Variants in RECQL4 observed in about 807,000 individuals in gnomAD.
RECQL4 encodes the protein ATP-dependent DNA helicase Q4.
Under a neutral mutation model 128.6 loss-of-function variants are expected in RECQL4, and 158 were observed. That is an observed-to-expected ratio of 1.23 (90% CI 1.08 to 1.40). The LOEUF (loss-of-function observed/expected upper bound fraction) is 1.40, where lower values mean the gene tolerates loss of function less well. Ranked by LOEUF, RECQL4 falls within the 40% of genes most tolerant of loss-of-function variation. RECQL4 has a pLI of 0.00. For synonymous variants in RECQL4, 996 were observed against 678.9 expected, an observed-to-expected ratio of 1.47 and a Z score of -7.26; for missense variants, 2,293 against 1,649.8, an observed-to-expected ratio of 1.39 and a Z score of -6.75.
chr8:144,517,024 G>A (rs1815210254), intron 4 of RECQL4, 26 bp downstream of exon 4: 2 of 1,600,464 alleles, frequency 1.2e-6, no homozygotes, highest in Admixed American at 1.7e-5. Context: ...GACCTAGCGT[G>A]GACTCACTGC....
rs749010505 is a variant in RECQL4, at chr8:144,516,527, C to T, written c.592G>A (p.Val198Ile). Residue 198 changes from valine to isoleucine, a missense_variant, in exon 5 of 21, where the codon GTC becomes ATC. Val to Ile is a conservative substitution (Grantham distance 29). Transcript: ENST00000617875. Reference sequence around the variant, plus strand: ...TTGGGGGCCCCCAGAAAATCTGGGACCTCACTGTGACATCGCTGTAACCAG... The same window carrying T: ...TTGGGGGCCCCCAGAAAATCTGGGATCTCACTGTGACATCGCTGTAACCAG... ...PGWLQRCHSE[V>I]PDFLGAPKAC... 3.1e-6 allele frequency: 5 copies of T among 1,609,916 alleles called. No homozygotes were observed. Among genetic ancestry groups the T allele is most frequent in the East Asian group, 4.5e-5 (2 of 44,854 alleles).
In RECQL4 at chr8:144,513,383, C is replaced by T. The variant is rs879234038; in HGVS notation, c.2298G>A (p.Arg766=). 1 of 1,607,844 alleles carries T rather than the reference C, an allele frequency of 6.2e-7. No individual in the cohort carries two copies. ...CAAAGGCCACCGTGGCCACCACCAC[C>T]CGCAACTGGCCCTGCATGAAGGCTC... ...VQRAFMQGQL[R]VVVATVAFGM... The change falls in exon 14 of 21, where the codon CGG becomes CGA. Residue 766 remains arginine (R), a synonymous_variant. Coordinates refer to ENST00000617875, the MANE Select transcript of RECQL4 (RefSeq NM_004260.4).
intron 3 of RECQL4, 60 bp downstream of exon 3, chr8:144,517,354 C>T (rs920237059): frequency 2.0e-6 from 3 of 1,498,672 alleles, no homozygotes; most frequent in Non-Finnish European, 2.7e-6. Context: ...GACTCCGTGG[C>T]TCCCGCCACT....
rs770855894 is a variant in RECQL4 at position 144,513,566 on chromosome 8, C to T, written c.2200+5G>A. Reference sequence around the variant, plus strand: ...ACGGGGACACCAGCTCTGTCCATGCCGCACCTCCAGACCCTGGGACCCAGG... The same window carrying T: ...ACGGGGACACCAGCTCTGTCCATGCTGCACCTCCAGACCCTGGGACCCAGG... On this transcript the variant is annotated splice_donor_5th_base_variant and intron_variant, in intron 13 of 20. Coordinates refer to ENST00000617875, the MANE Select transcript of RECQL4 (RefSeq NM_004260.4). 119 of 1,610,502 alleles carry T rather than the reference C, an allele frequency of 7.4e-5. 1 individual carries two copies. The highest frequency in any genetic ancestry group is 2.6e-4 in the South Asian group (24 of 90,724).
chr8:144,516,641 G>C lies in RECQL4; in HGVS notation c.478C>G (p.Pro160Ala), dbSNP rs758124770. Residue 160 changes from proline to alanine, a missense_variant, in exon 5 of 21, where the codon CCA (proline) becomes GCA (alanine). Coordinates refer to ENST00000617875, the MANE Select transcript of RECQL4 (RefSeq NM_004260.4). The part of the protein sequence containing the change: ...SFAEKVSDEP[P>A]QLPEPQPRPG... ...CTTGGCTGGGGCTCAGGGAGCTGTG[G>C]AGGCTCATCACTGACTTTTTCTGCA... is the stretch of plus-strand genomic sequence containing the variant. 1.2e-6 allele frequency: 2 copies of C among 1,608,222 alleles called. No homozygotes were observed. The highest frequency in any genetic ancestry group is 2.2e-5 in the East Asian group (1 of 44,812).
At chr8:144,514,855 G>C in intron 9 of RECQL4, 81 bp downstream of exon 9, 1 of 1,526,274 alleles carries the variant, frequency 6.6e-7, no homozygotes, top group South Asian at 1.2e-5. Flanking sequence ...GGGTGGTTAG[G>C]GGACAAGCAG....
rs1564794448 is a variant in RECQL4 at position 144,513,261 on chromosome 8, C to CGCCCG, written c.2415_2419dup (p.Arg807ProfsTer38). 5.7e-6 allele frequency: 9 copies of CGCCCG among 1,592,730 alleles called. No homozygotes were observed. The highest frequency in any genetic ancestry group is 4.0e-5 in the African/African-American group (3 of 74,606). On this transcript the variant is annotated frameshift_variant, in exon 14 of 21. Transcript: ENST00000617875. LOFTEE classifies it high-confidence loss of function. ...GTGGCAGTGGGCAGGCTGCCCGTCA[C>CGCCCG]GCCCGGCCCGGCCCACGGCCTGCAC... is the stretch of plus-strand genomic sequence containing the variant.
rs371421344 is a variant in RECQL4 at position 144,516,096 on chromosome 8, G to A, written c.1023C>T (p.Ile341=). 3.3e-5 allele frequency: 54 copies of A among 1,612,692 alleles called. No homozygotes were observed. In the African/African-American group the frequency reaches 6.3e-4, roughly 19 times the overall value. The change falls in exon 5 of 21, where the codon ATC becomes ATT. Residue 341 remains isoleucine, a synonymous_variant. Coordinates refer to ENST00000617875, the MANE Select transcript of RECQL4 (RefSeq NM_004260.4). ...TGTCATGGCGGGCCAGCCGAGGGAAGATGTGCAGGGGGGCTGTGCCCTCAG... is the reference window on the plus strand; with the variant it reads ...TGTCATGGCGGGCCAGCCGAGGGAAAATGTGCAGGGGGGCTGTGCCCTCAG... ...GKAEGTAPLH[I]FPRLARHDRG...
chr8:144,512,707 G>A lies in RECQL4; in HGVS notation c.2820C>T (p.Thr940=), dbSNP rs758900021. The part of the protein sequence containing the change: ...HPHHWLELLA[T]TYTHCRLNCP... ...AGTTCAGACGGCAATGGGTATAGGTGGTCGCCAGCAGCTCCAGCCAGTGGT... is the reference window on the plus strand; with the variant it reads ...AGTTCAGACGGCAATGGGTATAGGTAGTCGCCAGCAGCTCCAGCCAGTGGT... Residue 940 remains threonine (T), a synonymous_variant, in exon 16 of 21, where the codon ACC becomes ACT. Coordinates refer to ENST00000617875, the MANE Select transcript of RECQL4 (RefSeq NM_004260.4). 2.5e-5 allele frequency: 41 copies of A among 1,612,424 alleles called. No homozygotes were observed. The highest frequency in any genetic ancestry group is 4.0e-5 in the African/African-American group (3 of 75,074).
chr8:144,517,718 C>T lies in RECQL4; in HGVS notation c.67G>A (p.Gly23Arg), dbSNP rs752845462. ...GCCCGCACCTGGCTCGGTCGCCGCC[C>T]GCGCTGCCGTCGGAACGCGCGCTCC... ...AWERAFRRQR[G>R]RRPSQDDVEA... The change falls in exon 1 of 21, where the codon GGG (glycine) becomes AGG (arginine). Residue 23 changes from glycine (G) to arginine (R), a missense_variant. By Grantham distance (125) the Gly-to-Arg change is moderately radical (BLOSUM62 -2). Coordinates refer to ENST00000617875, the MANE Select transcript of RECQL4 (RefSeq NM_004260.4). 7.4e-7 allele frequency: 1 copy of T among 1,359,000 alleles called. No individual in the cohort carries two copies. The highest frequency in any genetic ancestry group is 1.7e-5 in the South Asian group (1 of 58,500). The allele number at this position is 1,359,000 out of a possible 1,614,324, so 84.2% of individuals were successfully genotyped here.
At position 144,515,308 on chromosome 8, in the gene RECQL4, C is replaced by G; in HGVS notation, c.1390+18G>C. The G allele has an allele frequency of 6.2e-7, 1 of 1,612,070 alleles. No homozygotes were observed. The highest frequency in any genetic ancestry group is 8.5e-7 in the Non-Finnish European group (1 of 1,179,520). On this transcript the variant is annotated intron_variant, in intron 7 of 20. Transcript: ENST00000617875. ...CAACCCCTCAGTGAAGGCTCTGGGC[C>G]AGAAGCTGACTGCTCACCTGCCAAC...
In RECQL4 at chr8:144,511,365, G is replaced by C. The variant is rs1478786786; in HGVS notation, c.*66C>G. ...ACACCCTGTGGCAGGTTTTGCCCAG[G>C]TCCTCAGTCACTGCCCTAGCCTCTG... On this transcript the variant is annotated 3_prime_UTR_variant, in exon 21 of 21. Coordinates refer to ENST00000617875, the MANE Select transcript of RECQL4 (RefSeq NM_004260.4). The C allele has an allele frequency of 1.3e-6, 2 of 1,593,194 alleles. No homozygotes were observed. Among genetic ancestry groups the C allele is most frequent in the Non-Finnish European group, 1.7e-6 (2 of 1,164,386 alleles).
chr8:144,515,596 A>G (rs1828040533), intron 6 of RECQL4, 139 bp from the exon 7 acceptor site: 1 of 1,485,606 alleles, frequency 6.7e-7, no homozygotes, highest in Admixed American at 1.8e-5. Flanking sequence ...AGCAGAAAAG[A>G]GTGACAGCCA....
At chr8:144,517,674 G>A (rs41560315) in intron 1 of RECQL4, 27 bp downstream of exon 1, 392 of 1,456,022 alleles carry the variant, frequency 2.7e-4, no homozygotes, top group Non-Finnish European at 2.8e-4. Context: ...CGCGCCCTCA[G>A]CCCCTCGGCC....
At position 144,516,722 on chromosome 8, in the gene RECQL4, C is replaced by G; in HGVS notation, c.397G>C (p.Ala133Pro). The change falls in exon 5 of 21, where the codon GCC (alanine) becomes CCC (proline). Residue 133 changes from alanine (A) to proline (P), a missense_variant. Transcript: ENST00000617875. ...TTTGGGGTGGATGCCTTAGATGAGG[C>G]TCTTCCTAGAGGCCACGGTCTGCGG... ...LGRRPWPLGR[A>P]SSKASTPKPP... The G allele has an allele frequency of 6.5e-7, 1 of 1,539,966 alleles. No homozygotes were observed. Among genetic ancestry groups the G allele is most frequent in the South Asian group, 1.3e-5 (1 of 77,892 alleles).
rs773238280 is a variant in RECQL4 at position 144,514,141 on chromosome 8, C to T, written c.1879-34G>A. On this transcript the variant is annotated intron_variant, in intron 11 of 20. Coordinates refer to ENST00000617875, the MANE Select transcript of RECQL4 (RefSeq NM_004260.4). ...GAGGCGGCAGTGGTGTGAGGCCGCC[C>T]AGCCCATCCCGGCCCTGGCCGCCCA... 10 of 1,610,806 alleles carry T rather than the reference C, an allele frequency of 6.2e-6. No individual in the cohort carries two copies. The East Asian group carries it at 2.0e-4, about 32-fold the overall frequency.
chr8:144,514,435 C>T lies in RECQL4; in HGVS notation c.1704+7G>A, dbSNP rs2130697967. 6.2e-7 allele frequency: 1 copy of T among 1,610,880 alleles called. No homozygotes were observed. Among genetic ancestry groups the T allele is most frequent in the Non-Finnish European group, 8.5e-7 (1 of 1,178,724 alleles). On this transcript the variant is annotated splice_region_variant and intron_variant, in intron 10 of 20. Coordinates refer to ENST00000617875, the MANE Select transcript of RECQL4 (RefSeq NM_004260.4). ...CTCCCTCACCCCTAGGCCCATGAGG[C>T]CCCCACCTTCTGCAGGACAGATTCC... is the stretch of plus-strand genomic sequence containing the variant.
In RECQL4 at chr8:144,512,465, G is replaced by A. The variant is rs770209478; in HGVS notation, c.2982C>T (p.Asp994=). ...CAGAGGCCAGCTCCCAGCCCATGGAGTCCACCAGCTTGACCATGTCAAACT... is the reference window on the plus strand; with the variant it reads ...CAGAGGCCAGCTCCCAGCCCATGGAATCCACCAGCTTGACCATGTCAAACT... The part of the protein sequence containing the change: ...SVEFDMVKLV[D]SMGWELASVR... The change falls in exon 17 of 21, where the codon GAC becomes GAT. Residue 994 remains aspartate (D), a synonymous_variant. Transcript: ENST00000617875. The A allele has an allele frequency of 1.9e-6, 3 of 1,612,174 alleles. No homozygotes were observed. Among genetic ancestry groups the A allele is most frequent in the South Asian group, 1.1e-5 (1 of 91,076 alleles).
Position 144,511,450 on chromosome 8 carries a change from A to G in RECQL4, c.3608T>C (p.Leu1203Pro), listed in dbSNP as rs1827172630. The G allele has an allele frequency of 6.2e-7, 1 of 1,612,398 alleles. No individual in the cohort carries two copies. The highest frequency in any genetic ancestry group is 8.5e-7 in the Non-Finnish European group (1 of 1,179,718). Reference protein sequence around the residue: ...HALVGLATEELLQVAR With the variant: ...HALVGLATEEPLQVAR ...GTGCAGTCAGCGGGCCACCTGCAGG[A>G]GCTCTTCCGTGGCCAGGCCCACCAG... Residue 1203 changes from leucine (L) to proline (P), a missense_variant, in exon 21 of 21, where the codon CTC becomes CCC. Physicochemically the swap from Leu to Pro is moderately conservative, Grantham distance 98 (BLOSUM62 -3). Coordinates refer to ENST00000617875, the MANE Select transcript of RECQL4 (RefSeq NM_004260.4).
Sources: gnomAD v4.1 joint callset for allele counts on GRCh38, gnomAD v4.1.1 for gene constraint, MANE v1.5 for transcripts, NCBI Gene and HGNC (gene_info 2026-07-23, HGNC 2026-07-21) for gene names.